Variants in CAMK4 observed in about 807,000 individuals in gnomAD.
The protein encoded by CAMK4 is calcium/calmodulin dependent protein kinase IV.
In CAMK4, 22 loss-of-function variants were observed where a neutral mutation model predicts 44.9. That is an observed-to-expected ratio of 0.49 (90% confidence interval 0.35 to 0.70). The LOEUF is 0.70. Ranked by LOEUF, CAMK4 falls within the 30% of genes least tolerant of loss-of-function variation. The pLI is 0.01. For synonymous variants in CAMK4, 218 were observed against 215.4 expected (o/e 1.01, Z -0.11); for missense variants, 498 against 586.8 (o/e 0.85, Z 1.56).
chr5:111,317,558 T>G (rs1256715579), intron 1 of CAMK4, among the ~76,000 whole-genome samples: 1 of 152,158 alleles, frequency 6.6e-6, no homozygotes, highest in Non-Finnish European at 1.5e-5. Context: ...TTTAACATGT[T>G]TCAGACCCTA....
At chr5:111,263,021 T>A (rs7707264) in intron 1 of CAMK4, among the ~76,000 whole-genome samples, 40,238 of 152,106 alleles carry the variant, frequency 0.26, 6,342 homozygotes, top group African/African-American at 0.44. Context: ...GGCTGAGTTG[T>A]TTCTAATATA....
At chr5:111,280,886 C>T (rs1750980127) in intron 1 of CAMK4, among the ~76,000 whole-genome samples, 1 of 152,144 alleles carries the variant, frequency 6.6e-6, no homozygotes, top group Non-Finnish European at 1.5e-5. Flanking sequence ...GGAATATTAG[C>T]ATTGGTTGGA....
chr5:111,348,705 A>G (rs1749969914), intron 2 of CAMK4, among the ~76,000 whole-genome samples: 1 of 152,012 alleles, frequency 6.6e-6, no homozygotes, highest in Admixed American at 6.6e-5. Context: ...GCAAAACTAA[A>G]CAATTATTGT....
At chr5:111,442,122 G>T (rs1338511525) in intron 5 of CAMK4, among the ~76,000 whole-genome samples, 1 of 152,166 alleles carries the variant, frequency 6.6e-6, no homozygotes, top group Non-Finnish European at 1.5e-5. Context: ...TCAAAGTCTA[G>T]TCTAGGCTAG....
In CAMK4 at chr5:111,244,716, C is replaced by G. The variant is rs1470942872; in HGVS notation, c.161+20072C>G. On this transcript the variant is annotated intron_variant, in intron 1 of 10. Coordinates refer to ENST00000282356, the MANE Select transcript of CAMK4 (RefSeq NM_001744.6). ...TCTCTATTAAAAATACAAAAATTAGCCGGGCATGGTGGTGCGTGCCTGTAG... is the reference window on the plus strand; with the variant it reads ...TCTCTATTAAAAATACAAAAATTAGGCGGGCATGGTGGTGCGTGCCTGTAG... 2.0e-5 allele frequency among the ~76,000 whole-genome samples: 3 copies of G among 152,092 alleles called. No individual in the cohort carries two copies. In the East Asian group the frequency reaches 5.8e-4, roughly 29 times the overall value.
At chr5:111,279,608 C>T (rs907165410) in intron 1 of CAMK4, among the ~76,000 whole-genome samples, 2 of 152,142 alleles carry the variant, frequency 1.3e-5, no homozygotes, top group African/African-American at 4.8e-5. Context: ...AATCCTAACT[C>T]CTATTGCTAA....
chr5:111,301,001 A>G (rs1432551148), intron 1 of CAMK4, among the ~76,000 whole-genome samples: 1 of 152,184 alleles, frequency 6.6e-6, no homozygotes, highest in Non-Finnish European at 1.5e-5. Flanking sequence ...TTTGCAGTTT[A>G]CAAATTTGCA....
At chr5:111,443,315 C>CTA (rs1235660324) in intron 5 of CAMK4, among the ~76,000 whole-genome samples, 178 of 107,322 alleles carry the variant, frequency 1.7e-3, no homozygotes, top group African/African-American at 5.6e-3. Flanking sequence ...CACACACACA[C>CTA]TATATATATA....
intron 1 of CAMK4, among the ~76,000 whole-genome samples, chr5:111,341,037 T>A (rs1749621051): frequency 6.6e-6 from 1 of 151,166 alleles, no homozygotes; most frequent in Non-Finnish European, 1.5e-5. Flanking sequence ...CCCTTTACAT[T>A]TCTGTACTAT....
intron 1 of CAMK4, among the ~76,000 whole-genome samples, chr5:111,260,793 T>G (rs1749940515): frequency 6.6e-6 from 1 of 152,180 alleles, no homozygotes; most frequent in Admixed American, 6.5e-5. Context: ...ACTGCTGCTA[T>G]CTTCATTGAA....
intron 5 of CAMK4, among the ~76,000 whole-genome samples, chr5:111,399,554 A>T (rs1029238893): frequency 1.3e-4 from 20 of 152,344 alleles, no homozygotes; most frequent in South Asian, 8.3e-4. Flanking sequence ...ATGACAAAGT[A>T]GGAGCTCAAT....
intron 4 of CAMK4, among the ~76,000 whole-genome samples, chr5:111,388,186 A>G (rs1751672915): frequency 6.6e-6 from 1 of 152,178 alleles, no homozygotes; most frequent in Admixed American, 6.5e-5. Context: ...TTCACACTGA[A>G]ATGAGGTGGG....
intron 1 of CAMK4, among the ~76,000 whole-genome samples, chr5:111,261,528 A>G (rs953782376): frequency 6.6e-5 from 10 of 151,294 alleles, no homozygotes; most frequent in Admixed American, 2.0e-4. Context: ...CCTCACCTCA[A>G]TATCCTTATA....
intron 1 of CAMK4, among the ~76,000 whole-genome samples, chr5:111,283,876 A>C (rs1055950996): frequency 1.3e-5 from 2 of 152,192 alleles, no homozygotes; most frequent in African/African-American, 4.8e-5. Flanking sequence ...TATTTTAATG[A>C]TCTATTTCCA....
At chr5:111,252,973 A>G (rs1323961672) in intron 1 of CAMK4, among the ~76,000 whole-genome samples, 1 of 152,112 alleles carries the variant, frequency 6.6e-6, no homozygotes, top group Middle Eastern at 3.2e-3. Context: ...GCAGAAAGAG[A>G]TAGAGGGCTC....
At chr5:111,399,198 T>C (rs1752132582) in intron 5 of CAMK4, among the ~76,000 whole-genome samples, 1 of 152,150 alleles carries the variant, frequency 6.6e-6, no homozygotes, top group Admixed American at 6.5e-5. Context: ...CTGGCCTTGT[T>C]TTCCGACCCT....
intron 1 of CAMK4, among the ~76,000 whole-genome samples, chr5:111,342,967 T>A (rs903161777): frequency 4.0e-5 from 6 of 151,692 alleles, no homozygotes; most frequent in Admixed American, 2.0e-4. Context: ...TTAATTTTTT[T>A]AAATTTTAAT....
Position 111,419,348 on chromosome 5 carries a change from T to C in CAMK4, c.459+24566T>C, listed in dbSNP as rs1234267289. On this transcript the variant is annotated intron_variant, in intron 5 of 10. Transcript: ENST00000282356. ...ATTGTAGATTCTGGATATTAGCCCT[T>C]TGTCAGATGAGTAGGTTGTGAAAAT... is the stretch of plus-strand genomic sequence containing the variant. Among the ~76,000 whole-genome samples, 20 of 152,324 alleles carry C rather than the reference T, an allele frequency of 1.3e-4. No individual in the cohort carries two copies. The East Asian group carries it at 3.5e-3, about 26-fold the overall frequency.
intron 1 of CAMK4, among the ~76,000 whole-genome samples, chr5:111,310,527 C>T (rs79290824): frequency 1.4e-4 from 21 of 152,076 alleles, no homozygotes; most frequent in East Asian, 1.9e-4. Context: ...AAGAAGATGT[C>T]GCTTTAGGAC....
Sources: allele counts gnomAD v4.1 joint callset (sites outside exome capture counted in the v4.1 genomes callset), GRCh38; gene constraint gnomAD v4.1.1; transcripts MANE v1.5; gene names NCBI Gene and HGNC (gene_info 2026-07-23, HGNC 2026-07-21).